Variants in EYS observed in about 807,000 individuals in gnomAD.
EYS encodes the protein protein eyes shut homolog.
Under a neutral mutation model 282.1 loss-of-function variants are expected in EYS, and 250 were observed. That is an observed-to-expected ratio of 0.89 (90% CI 0.80 to 0.98). The LOEUF is 0.98. EYS is among the 50% of genes least tolerant of loss of function. The probability of loss-of-function intolerance (pLI) is 0.00; values close to 1 mark genes in which losing one functional copy is unlikely to be tolerated. For synonymous variants in EYS, 1,355 were observed against 1,282.9 expected (o/e 1.06, Z -1.20); for missense variants, 4,016 against 3,709.0 (o/e 1.08, Z -2.15).
intron 2 of EYS, among the ~76,000 whole-genome samples, chr6:65,622,619 T>C (rs1032490384): frequency 6.6e-6 from 1 of 152,164 alleles, no homozygotes; most frequent in Non-Finnish European, 1.5e-5. Flanking sequence ...TTGGGATACC[T>C]GGTTTGGATT....
chr6:64,821,618 T>C, intron 21 of EYS, 27 bp downstream of exon 21: 1 of 1,238,578 alleles, frequency 8.1e-7, no homozygotes, highest in East Asian at 2.6e-5. Flanking sequence ...TTTTGTCATA[T>C]AACTTGAATA....
At chr6:64,492,536 T>A (rs1345446718) in intron 26 of EYS, among the ~76,000 whole-genome samples, 2 of 151,206 alleles carry the variant, frequency 1.3e-5, no homozygotes, top group African/African-American at 4.8e-5. Flanking sequence ...CTAATTTGGA[T>A]GTTGCCCCCA....
In EYS at chr6:63,726,553, T is replaced by C. The variant is rs2149631763; in HGVS notation, c.8199A>G (p.Leu2733=). 1 of 1,551,266 alleles carries C rather than the reference T, an allele frequency of 6.4e-7. No individual in the cohort carries two copies. Among genetic ancestry groups the C allele is most frequent in the Non-Finnish European group, 8.7e-7 (1 of 1,146,768 alleles). Residue 2733 remains leucine (L), a synonymous_variant, in exon 42 of 43, where the codon CTA becomes CTG. Transcript: ENST00000503581. ...QFQPLAADGI[L]FYAAQHLKAQ... ...CTTTTAAGTGTTGTGCAGCATAAAA[T>C]AGGATACCATCTGCAGCGAGAGGCT...
intron 29 of EYS, among the ~76,000 whole-genome samples, chr6:64,363,872 C>A (rs1772105204): frequency 6.6e-6 from 1 of 151,674 alleles, no homozygotes; most frequent in South Asian, 2.1e-4. Flanking sequence ...TTATAAAGAC[C>A]AAAGGGAGGC....
intron 12 of EYS, among the ~76,000 whole-genome samples, chr6:65,124,927 A>T (rs745375525): frequency 5.3e-5 from 8 of 152,192 alleles, no homozygotes; most frequent in Non-Finnish European, 8.8e-5. Context: ...TGGAGGGTAA[A>T]TTGCCTTTTC....
chr6:64,205,842 CACAT>C (rs1414635493), intron 31 of EYS, among the ~76,000 whole-genome samples: 5 of 150,420 alleles, frequency 3.3e-5, no homozygotes, highest in African/African-American at 9.9e-5. Context: ...CACACACACA[CACAT>C]ATATATATAT....
At chr6:65,675,087 C>A (rs757920812) in intron 1 of EYS, among the ~76,000 whole-genome samples, 32 of 151,696 alleles carry the variant, frequency 2.1e-4, no homozygotes, top group Non-Finnish European at 3.5e-4. Flanking sequence ...CCCATGGTAA[C>A]TGCAAAGAAA....
intron 34 of EYS, among the ~76,000 whole-genome samples, chr6:63,997,093 T>C (rs537953051): frequency 1.9e-4 from 29 of 152,234 alleles, no homozygotes; most frequent in Non-Finnish European, 3.4e-4. Context: ...TATTTTGATA[T>C]TTTGTGCCAA....
intron 37 of EYS, among the ~76,000 whole-genome samples, chr6:63,799,319 AT>A (rs570607891): frequency 3.3e-5 from 5 of 151,586 alleles, no homozygotes; most frequent in African/African-American, 1.2e-4. Context: ...CGGCTCCTAA[AT>A]TTTTTTTATT....
At chr6:65,158,246 G>T (rs186226452) in intron 12 of EYS, among the ~76,000 whole-genome samples, 256 of 150,930 alleles carry the variant, frequency 1.7e-3, no homozygotes, top group Non-Finnish European at 2.7e-3. Context: ...TATTTTAGAA[G>T]AAGAAATATT....
chr6:65,615,989 T>A (rs12208402), intron 2 of EYS, among the ~76,000 whole-genome samples: 53,714 of 151,222 alleles, frequency 0.36, 11,944 homozygotes, highest in Non-Finnish European at 0.49. Flanking sequence ...GAACACAAAT[T>A]AATTTGATGT....
At chr6:65,647,628 C>T (rs751889518) in intron 1 of EYS, among the ~76,000 whole-genome samples, 3 of 152,118 alleles carry the variant, frequency 2.0e-5, no homozygotes, top group Non-Finnish European at 4.4e-5. Context: ...TGACTAAGAA[C>T]TCAAAAGCAA....
chr6:65,309,873 C>T (rs1769109104), intron 11 of EYS, among the ~76,000 whole-genome samples: 1 of 152,204 alleles, frequency 6.6e-6, no homozygotes, highest in Non-Finnish European at 1.5e-5. Flanking sequence ...ACATCCAAGG[C>T]CCCAACATCT....
At chr6:64,824,624 A>G (rs1764995725) in intron 19 of EYS, among the ~76,000 whole-genome samples, 1 of 151,894 alleles carries the variant, frequency 6.6e-6, no homozygotes, top group Non-Finnish European at 1.5e-5. Flanking sequence ...TGAAATTTTC[A>G]GTTAAAAAAA....
At chr6:64,341,750 A>G (rs1209502778) in intron 29 of EYS, among the ~76,000 whole-genome samples, 1 of 151,642 alleles carries the variant, frequency 6.6e-6, no homozygotes, top group Non-Finnish European at 1.5e-5. Context: ...CCTTTCCTTT[A>G]TCTTTCATAG....
intron 30 of EYS, among the ~76,000 whole-genome samples, chr6:64,291,183 A>T (rs573912498): frequency 6.6e-6 from 1 of 152,014 alleles, no homozygotes; most frequent in East Asian, 1.9e-4. Flanking sequence ...GCCTGAGGGG[A>T]CTAGAGGATA....
chr6:64,988,348 C>T (rs1385770147), intron 14 of EYS, among the ~76,000 whole-genome samples: 1 of 151,534 alleles, frequency 6.6e-6, no homozygotes, highest in African/African-American at 2.4e-5. Context: ...AGAGCCTCAG[C>T]ATCCGATGAT....
chr6:64,414,280 G>A (rs2150446029), intron 28 of EYS, among the ~76,000 whole-genome samples: 1 of 152,238 alleles, frequency 6.6e-6, no homozygotes, highest in South Asian at 2.1e-4. Context: ...CAGGATGCTA[G>A]AAATCAATGG....
intron 12 of EYS, among the ~76,000 whole-genome samples, chr6:65,138,010 A>C (rs1231460909): frequency 6.6e-6 from 1 of 152,092 alleles, no homozygotes; most frequent in African/African-American, 2.4e-5. Flanking sequence ...ACAAAAAATT[A>C]AGAAATCTTT....
Sources: gnomAD v4.1 joint callset for allele counts (sites outside exome capture counted in the v4.1 genomes callset) on GRCh38, gnomAD v4.1.1 for gene constraint, MANE v1.5 for transcripts, NCBI Gene and HGNC (gene_info 2026-07-23, HGNC 2026-07-21) for gene names.